AXL: variants seen among roughly 807,000 people sequenced by gnomAD.
The protein encoded by AXL is AXL receptor tyrosine kinase, also known as tyrosine-protein kinase receptor UFO.
AXL carries 52 observed loss-of-function variants against 104.5 expected under a neutral mutation model. That is an observed-to-expected ratio of 0.50 (90% confidence interval 0.40 to 0.63). The LOEUF (loss-of-function observed/expected upper bound fraction) is 0.63, where lower values mean the gene tolerates loss of function less well. Ranked by LOEUF, AXL falls within the 20% of genes least tolerant of loss-of-function variation. The pLI is 0.00. For missense variants in AXL, 1,024 were observed against 1,188.5 expected, an observed-to-expected ratio of 0.86 and a Z score of 2.04; for synonymous variants, 455 against 473.7, an observed-to-expected ratio of 0.96 and a Z score of 0.51.
At position 41,259,356 on chromosome 19, in the gene AXL, C is replaced by T. The variant is rs1991834; in HGVS notation, c.2334-197C>T. ...AGGTTTCCCGAGACCCTTCCCAGCT[C>T]CTGAGTCTCCCAGGACCCAACTCAG... On this transcript the variant is annotated intron_variant, in intron 19 of 19. Coordinates refer to ENST00000301178, the MANE Select transcript of AXL (RefSeq NM_021913.5). Among the ~76,000 whole-genome samples the T allele has an allele frequency of 6.7e-3, 1,017 of 152,222 alleles. 7 individuals carry two copies. Among genetic ancestry groups the T allele is most frequent in the Admixed American group, 0.014 (210 of 15,292 alleles).
intron 13 of AXL, 28 bp downstream of exon 13, chr19:41,248,637 C>G (rs2122264451): frequency 6.2e-7 from 1 of 1,612,788 alleles, no homozygotes; most frequent in Non-Finnish European, 8.5e-7. Flanking sequence ...ATACACACAT[C>G]CTTCTGAACT....
chr19:41,240,498 T>C (rs1163236226), intron 10 of AXL, among the ~76,000 whole-genome samples: 1 of 151,542 alleles, frequency 6.6e-6, no homozygotes, highest in African/African-American at 2.4e-5. Context: ...ATGAATGAGG[T>C]ATCCTCCTCA....
chr19:41,231,108 G>C, intron 5 of AXL, 61 bp downstream of exon 5: 2 of 1,611,760 alleles, frequency 1.2e-6, no homozygotes, highest in South Asian at 1.1e-5. Context: ...TCCGGGGTCA[G>C]AGTGGGGGCA....
At chr19:41,221,020 T>C in intron 2 of AXL, 126 bp from the exon 3 acceptor site, 1 of 1,148,748 alleles carries the variant, frequency 8.7e-7, no homozygotes, top group African/African-American at 1.6e-5. Flanking sequence ...AATGAGTTAA[T>C]AATAGGACAT....
chr19:41,257,471 T>C (rs746169858), intron 18 of AXL, 22 bp from the exon 19 acceptor site: 2 of 1,614,020 alleles, frequency 1.2e-6, no homozygotes, highest in Non-Finnish European at 1.7e-6. Flanking sequence ...AGAGACTGTC[T>C]AATTCCCTCT....
chr19:41,256,370 C>A, intron 17 of AXL, 82 bp from the exon 18 acceptor site: 1 of 1,512,428 alleles, frequency 6.6e-7, no homozygotes, highest in African/African-American at 1.4e-5. Flanking sequence ...GGAGGAGGTG[C>A]AGATGTGTCT....
intron 10 of AXL, 41 bp from the exon 11 acceptor site, chr19:41,242,842 C>G (rs1476669249): frequency 6.2e-7 from 1 of 1,612,010 alleles, no homozygotes; most frequent in Non-Finnish European, 8.5e-7. Flanking sequence ...GAGCTGGATC[C>G]AAGGCTTCAT....
intron 4 of AXL, chr19:41,226,725 C>T: frequency 1.0e-6 from 1 of 985,824 alleles, no homozygotes; most frequent in Non-Finnish European, 1.2e-6. Context: ...CACAAACATA[C>T]CAGCTCAGAA....
In AXL at chr19:41,238,603, C is replaced by T. The variant is rs2034125619; in HGVS notation, c.1128C>T (p.Thr376=). The change falls in exon 8 of 20, where the codon ACC becomes ACT. Residue 376 remains threonine, a synonymous_variant. Coordinates refer to ENST00000301178, the MANE Select transcript of AXL (RefSeq NM_021913.5). ...GYRLAYQGQD[T]PEVLMDIGLR... is the part of the protein sequence containing the mutation. ...GGCTGGCGTATCAAGGCCAGGACAC[C>T]CCAGAGGTGGGTGCTGCTGGTGGGA... The T allele has an allele frequency of 1.2e-6, 2 of 1,606,594 alleles. No homozygotes were observed. The highest frequency in any genetic ancestry group is 2.2e-5 in the East Asian group (1 of 44,610).
At chr19:41,227,200 T>TGG (rs2033896593) in intron 4 of AXL, among the ~76,000 whole-genome samples, 1 of 152,124 alleles carries the variant, frequency 6.6e-6, no homozygotes, top group African/African-American at 2.4e-5. Context: ...GTATCTGTGT[T>TGG]GGGGGATTCC....
Position 41,257,565 on chromosome 19 carries a change from G to A in AXL, c.2269G>A (p.Glu757Lys), listed in dbSNP as rs778081322. Residue 757 changes from glutamate to lysine, a missense_variant, in exon 19 of 20, where the codon GAG becomes AAG. Coordinates refer to ENST00000301178, the MANE Select transcript of AXL (RefSeq NM_021913.5). The stretch of plus-strand genomic sequence containing the variant: ...CCCATATCCGGGCGTGGAGAACAGC[G>A]AGATTTATGACTATCTGCGCCAGGG... ...QTPYPGVENS[E>K]IYDYLRQGNR... 7.7e-5 allele frequency: 124 copies of A among 1,614,050 alleles called. No homozygotes were observed. The highest frequency in any genetic ancestry group is 1.3e-4 in the Admixed American group (8 of 59,998).
intron 10 of AXL, among the ~76,000 whole-genome samples, chr19:41,242,304 C>G (rs1012696582): frequency 3.4e-5 from 5 of 149,100 alleles, no homozygotes; most frequent in African/African-American, 1.3e-4. Context: ...CCTGAACTAT[C>G]CTGGCACTCT....
chr19:41,221,850 C>G (rs2033796207), intron 3 of AXL, 30 bp from the exon 4 acceptor site: 1 of 1,608,812 alleles, frequency 6.2e-7, no homozygotes, highest in Non-Finnish European at 8.5e-7. Context: ...TCAGAGGGAC[C>G]CCAGCCTCTA....
rs71175698 is a variant in AXL at position 41,236,040 on chromosome 19, T to TA, written c.784-1895dup. Among the ~76,000 whole-genome samples, 8 of 147,218 alleles carry TA rather than the reference T, an allele frequency of 5.4e-5. No homozygotes were observed. The South Asian group carries it at 8.7e-4, about 16-fold the overall frequency. On this transcript the variant is annotated intron_variant, in intron 6 of 19. Coordinates refer to ENST00000301178, the MANE Select transcript of AXL (RefSeq NM_021913.5). Reference sequence around the variant, plus strand: ...GGTGAAACCCTTTCTCTACACAGAATAAAAAAAAAGCCGGGTGTGGTAGCT... The same window carrying TA: ...GGTGAAACCCTTTCTCTACACAGAATAAAAAAAAAAGCCGGGTGTGGTAGCT...
At chr19:41,239,382 G>T in intron 9 of AXL, 68 bp downstream of exon 9, 2 of 1,523,186 alleles carry the variant, frequency 1.3e-6, no homozygotes, top group Non-Finnish European at 8.8e-7. Context: ...CTTACTCCTT[G>T]TACCTTTCAG....
At chr19:41,253,059 C>T in intron 16 of AXL, 92 bp downstream of exon 16, 1 of 1,411,576 alleles carries the variant, frequency 7.1e-7, no homozygotes. Context: ...ACCACGGTGA[C>T]CAGGAGCTTG....
chr19:41,244,604 C>T (rs920581653), intron 12 of AXL, among the ~76,000 whole-genome samples: 12 of 152,062 alleles, frequency 7.9e-5, no homozygotes, highest in African/African-American at 2.2e-4. Flanking sequence ...CTCGGCCTCC[C>T]GAATAGCTGG....
At chr19:41,242,850 C>T (rs753597491) in intron 10 of AXL, 33 bp from the exon 11 acceptor site, 39 of 1,612,652 alleles carry the variant, frequency 2.4e-5, no homozygotes, top group East Asian at 1.3e-4. Context: ...TCCAAGGCTT[C>T]ATCCATGACC....
rs143593613 is a variant in AXL at position 41,238,544 on chromosome 19, C to T, written c.1069C>T (p.Arg357Trp). ...GGCCTTCGTGCATTGGCAAGAGCCC[C>T]GGGCGCCCCTGCAGGGTACCCTGTT... is the stretch of plus-strand genomic sequence containing the variant. ...SQAFVHWQEP[R>W]APLQGTLLGY... The change falls in exon 8 of 20, where the codon CGG (arginine) becomes TGG (tryptophan). Residue 357 changes from arginine to tryptophan, a missense_variant. Coordinates refer to ENST00000301178, the MANE Select transcript of AXL (RefSeq NM_021913.5). 42 of 1,613,854 alleles carry T rather than the reference C, an allele frequency of 2.6e-5. No individual in the cohort carries two copies. The highest frequency in any genetic ancestry group is 1.6e-4 in the East Asian group (7 of 44,878).
Sources: gnomAD v4.1 joint callset for allele counts (sites outside exome capture counted in the v4.1 genomes callset) on GRCh38, gnomAD v4.1.1 for gene constraint, MANE v1.5 for transcripts, NCBI Gene and HGNC (gene_info 2026-07-23, HGNC 2026-07-21) for gene names.